PTGER3: variants seen among roughly 807,000 people sequenced by gnomAD.
PTGER3 encodes prostaglandin E2 receptor EP3 subtype.
In PTGER3, 22 loss-of-function variants were observed where a neutral mutation model predicts 34.7. The observed-to-expected ratio is 0.63, with a 90% CI of 0.45 to 0.91. The LOEUF is 0.91. Among genes scored for constraint, PTGER3 ranks in the 40% least tolerant of loss-of-function variants. PTGER3 has a pLI of 0.00. For missense variants in PTGER3, 468 were observed against 519.4 expected, an observed-to-expected ratio of 0.90 and a Z score of 0.96; for synonymous variants, 241 against 230.1, an observed-to-expected ratio of 1.05 and a Z score of -0.43.
chr1:70,970,167 TCTTA>T (rs913972721), downstream of PTGER3, among the ~76,000 whole-genome samples: 3 of 152,168 alleles, frequency 2.0e-5, no homozygotes, highest in African/African-American at 4.8e-5. Context: ...GAATTTGAAT[TCTTA>T]CTTATGTTAG....
chr1:70,869,058 C>T (rs1646106035), intron 4 of PTGER3, among the ~76,000 whole-genome samples: 1 of 152,160 alleles, frequency 6.6e-6, no homozygotes, highest in Admixed American at 6.5e-5. Context: ...AATAAATGAG[C>T]CAGTCTCACG....
At chr1:70,876,982 T>C (rs1278003419) in intron 4 of PTGER3, among the ~76,000 whole-genome samples, 1 of 152,214 alleles carries the variant, frequency 6.6e-6, no homozygotes, top group Non-Finnish European at 1.5e-5. Flanking sequence ...TTTTTTCCAA[T>C]TCTGTGAAGA....
At chr1:70,995,944 GTGT>G (rs1655900172) in intron 2 of PTGER3, among the ~76,000 whole-genome samples, 1 of 152,070 alleles carries the variant, frequency 6.6e-6, no homozygotes. Flanking sequence ...TGTGAAATAG[GTGT>G]TGTTATCTCC....
chr1:70,971,755 G>T (rs773378230), intron 3 of PTGER3, 22 bp from the exon 4 acceptor site: 1 of 1,482,806 alleles, frequency 6.7e-7, no homozygotes, highest in South Asian at 1.3e-5. Flanking sequence ...GAGAGAGAAA[G>T]ATGCAATAAG....
chr1:70,892,912 G>A (rs188345781), intron 4 of PTGER3, among the ~76,000 whole-genome samples: 15 of 151,300 alleles, frequency 9.9e-5, no homozygotes, highest in East Asian at 9.7e-4. Flanking sequence ...TTCCTAGCAC[G>A]TAAAATAATA....
At chr1:70,923,317 T>C (rs904704439) in intron 4 of PTGER3, among the ~76,000 whole-genome samples, 1 of 152,220 alleles carries the variant, frequency 6.6e-6, no homozygotes, top group Non-Finnish European at 1.5e-5. Context: ...TTAATAGTTA[T>C]AATTGTTATG....
intron 4 of PTGER3, among the ~76,000 whole-genome samples, chr1:70,924,533 T>C (rs1377664594): frequency 6.6e-6 from 1 of 152,182 alleles, no homozygotes; most frequent in African/African-American, 2.4e-5. Flanking sequence ...AGTATTCTAA[T>C]TGTGGGCACA....
At chr1:71,006,420 C>G in intron 2 of PTGER3, 1 of 985,350 alleles carries the variant, frequency 1.0e-6, no homozygotes, top group Non-Finnish European at 1.2e-6. Context: ...TCATAACCAC[C>G]AATACTCAGC....
At chr1:70,919,097 A>G (rs567974412) in intron 4 of PTGER3, among the ~76,000 whole-genome samples, 2 of 152,236 alleles carry the variant, frequency 1.3e-5, no homozygotes, top group South Asian at 4.1e-4. Context: ...GGCCATTTGT[A>G]AAGCATGGGC....
At chr1:70,981,399 C>T (rs1281330437) in intron 2 of PTGER3, among the ~76,000 whole-genome samples, 1 of 94,952 alleles carries the variant, frequency 1.1e-5, no homozygotes, top group Non-Finnish European at 2.1e-5. Context: ...TTCTTTCCTT[C>T]CTTCCTTCCT....
At chr1:71,039,382 T>G (rs1660090975) in intron 1 of PTGER3, among the ~76,000 whole-genome samples, 2 of 151,840 alleles carry the variant, frequency 1.3e-5, no homozygotes, top group South Asian at 4.2e-4. Context: ...TTATAAAAAT[T>G]TAGGCACCCT....
chr1:70,950,626 A>G (rs1212983003), downstream of PTGER3: 3 of 152,212 alleles, frequency 2.0e-5, no homozygotes, highest in Non-Finnish European at 4.4e-5. Flanking sequence ...AGAGAGCTAA[A>G]ACTGATTTAA....
At chr1:70,940,492 C>G (rs554412806) in intron 4 of PTGER3, among the ~76,000 whole-genome samples, 8 of 152,118 alleles carry the variant, frequency 5.3e-5, no homozygotes, top group Non-Finnish European at 8.8e-5. Context: ...TAAAGACATA[C>G]CCGAGACTGG....
At chr1:70,979,997 G>T (rs1279775854) in intron 2 of PTGER3, among the ~76,000 whole-genome samples, 2 of 151,832 alleles carry the variant, frequency 1.3e-5, no homozygotes. Flanking sequence ...AGCACAGATT[G>T]TAGAAGCCTT....
rs553631348 is a variant in PTGER3, at chr1:70,961,273, T to C, written c.1078-7484A>G. Among the ~76,000 whole-genome samples the C allele has an allele frequency of 7.9e-5, 12 of 152,330 alleles. No homozygotes were observed. The South Asian group carries it at 2.3e-3, about 29-fold the overall frequency. ...AATATGATTAGGTGAGTTTGGAAAATGCTACACCAAATCTCTATAAATTCC... is the reference window on the plus strand; with the variant it reads ...AATATGATTAGGTGAGTTTGGAAAACGCTACACCAAATCTCTATAAATTCC... On this transcript the variant is annotated intron_variant, in intron 2 of 3. Coordinates refer to the PTGER3 transcript ENST00000356595.
intron 3 of PTGER3, among the ~76,000 whole-genome samples, chr1:70,953,604 T>G (rs893624487): frequency 1.5e-4 from 23 of 152,128 alleles, no homozygotes; most frequent in African/African-American, 5.6e-4. Context: ...CTACTATATA[T>G]CCTAATCTTT....
chr1:71,003,640 T>C (rs1656683405), intron 2 of PTGER3, among the ~76,000 whole-genome samples: 2 of 152,224 alleles, frequency 1.3e-5, no homozygotes, highest in Admixed American at 1.3e-4. Context: ...TTGCAACTTT[T>C]AGAGAAAAAT....
At chr1:71,001,185 A>C (rs1266059986) in intron 2 of PTGER3, among the ~76,000 whole-genome samples, 3 of 150,594 alleles carry the variant, frequency 2.0e-5, no homozygotes, top group African/African-American at 7.3e-5. Context: ...TTTAATAAAA[A>C]TTTATGAAAA....
chr1:70,940,033 A>G (rs968676943), intron 4 of PTGER3, among the ~76,000 whole-genome samples: 1 of 152,090 alleles, frequency 6.6e-6, no homozygotes, highest in Non-Finnish European at 1.5e-5. Flanking sequence ...ATATAACTGA[A>G]TGGCTTTTAA....
Sources: gnomAD v4.1 joint callset for allele counts (sites outside exome capture counted in the v4.1 genomes callset) on GRCh38, gnomAD v4.1.1 for gene constraint, MANE v1.5 for transcripts, NCBI Gene and HGNC (gene_info 2026-07-23, HGNC 2026-07-21) for gene names.